Variants in BICRA observed in about 807,000 individuals in gnomAD.
BICRA encodes the protein BRD4-interacting chromatin-remodeling complex-associated protein.
In BICRA, 31 loss-of-function variants were observed where a neutral mutation model predicts 96.9. That is an observed-to-expected ratio of 0.32 (90% CI 0.24 to 0.43). BICRA has a LOEUF of 0.43. BICRA is among the 20% of genes least tolerant of loss of function. The probability of loss-of-function intolerance (pLI) is 1.00; values close to 1 mark genes in which losing one functional copy is unlikely to be tolerated. For synonymous variants in BICRA, 1,350 were observed against 1,071.8 expected (o/e 1.26, Z -5.07); for missense variants, 2,283 against 2,190.3 (o/e 1.04, Z -0.84).
chr19:47,695,010 T>C lies in BICRA; in HGVS notation c.3006T>C (p.Ser1002=). ...LTSPAASVLV[S]GQAPSGTPTA... is the part of the protein sequence containing the mutation. The stretch of plus-strand genomic sequence containing the variant: ...GCCCCGCTGCGTCTGTGCTGGTCAG[T>C]GGGCAGGCCCCATCTGGGACCCCCA... Residue 1002 remains serine, a synonymous_variant, in exon 9 of 15, where the codon AGT becomes AGC. Coordinates refer to ENST00000594866, the MANE Select transcript of BICRA (RefSeq NM_001394372.1). 1 of 1,526,654 alleles carries C rather than the reference T, an allele frequency of 6.6e-7. No homozygotes were observed. Among genetic ancestry groups the C allele is most frequent in the Non-Finnish European group, 8.7e-7 (1 of 1,147,780 alleles). The allele number at this position is 1,526,654 out of a possible 1,614,324, so 94.6% of individuals were successfully genotyped here. A position where few individuals can be genotyped will look rare whatever the true frequency, so the allele number is the denominator to read the frequency against.
chr19:47,668,249 A>G (rs1229597015), intron 1 of BICRA, among the ~76,000 whole-genome samples: 1 of 152,108 alleles, frequency 6.6e-6, no homozygotes, highest in East Asian at 1.9e-4. Context: ...TCATTGTCAT[A>G]GTCGGTCCTT....
rs536480357 is a variant in BICRA, at chr19:47,650,215, C to T, written c.-107-20228C>T. 1.7e-4 allele frequency among the ~76,000 whole-genome samples: 26 copies of T among 152,174 alleles called. No individual in the cohort carries two copies. The East Asian group carries it at 5.0e-3, about 29-fold the overall frequency. On this transcript the variant is annotated intron_variant, in intron 1 of 14. Transcript: ENST00000594866. ...GGTGCAATCTCGGCTCACTGCAACC[C>T]TCCACCACCCAGGGTCAAGTGATTT...
intron 1 of BICRA, among the ~76,000 whole-genome samples, chr19:47,621,407 G>T (rs976871036): frequency 6.6e-5 from 10 of 150,690 alleles, no homozygotes; most frequent in South Asian, 2.1e-4. Flanking sequence ...CCAGTGCTTT[G>T]TACCTTCTCA....
chr19:47,700,122 G>A (rs1488467521), intron 14 of BICRA: 1 of 152,420 alleles, frequency 6.6e-6, no homozygotes, highest in African/African-American at 2.4e-5. Flanking sequence ...CTCGATGCTG[G>A]AGTCTTGGTT....
At position 47,680,712 on chromosome 19, in the gene BICRA, C is replaced by G. The variant is rs1415831083; in HGVS notation, c.1542C>G (p.Ile514Met). The part of the protein sequence containing the change: ...HTGGQLIANP[I>M]LTNQNLAGPL... ...GTGGACAGCTCATCGCGAACCCCAT[C>G]CTCACAAACCAGAACCTGGCGGGCC... The change falls in exon 6 of 15, where the codon ATC becomes ATG. Residue 514 changes from isoleucine to methionine, a missense_variant. Coordinates refer to ENST00000594866, the MANE Select transcript of BICRA (RefSeq NM_001394372.1). 6.2e-7 allele frequency: 1 copy of G among 1,601,934 alleles called. No individual in the cohort carries two copies. The highest frequency in any genetic ancestry group is 2.2e-5 in the East Asian group (1 of 44,698).
intron 5 of BICRA, among the ~76,000 whole-genome samples, chr19:47,677,346 C>T (rs935883020): frequency 1.3e-5 from 2 of 152,158 alleles, no homozygotes; most frequent in African/African-American, 2.4e-5. Flanking sequence ...CATATGCCTG[C>T]AGATATTTTT....
In BICRA at chr19:47,701,593, C is replaced by T. The variant is rs1299326355; in HGVS notation, c.3861C>T (p.Gly1287=). 7 of 1,557,992 alleles carry T rather than the reference C, an allele frequency of 4.5e-6. No individual in the cohort carries two copies. Among genetic ancestry groups the T allele is most frequent in the Non-Finnish European group, 6.1e-6 (7 of 1,151,786 alleles). The change falls in exon 15 of 15, where the codon GGC becomes GGT. Residue 1287 remains glycine (G), a synonymous_variant. Transcript: ENST00000594866. This position sits in a 1 kb window ranked among gnomAD's most constrained non-coding sequence, Gnocchi z 5.4. Reference sequence around the variant, plus strand: ...CCTCCTTGGACGCCGACGAGGACGGCCCCATGCCCTCCCGCAACCGCCCGC... The same window carrying T: ...CCTCCTTGGACGCCGACGAGGACGGTCCCATGCCCTCCCGCAACCGCCCGC... The part of the protein sequence containing the change: ...AASSLDADED[G]PMPSRNRPPI...
At chr19:47,669,551 A>G (rs190033635) in intron 1 of BICRA, among the ~76,000 whole-genome samples, 1 of 152,258 alleles carries the variant, frequency 6.6e-6, no homozygotes, top group African/African-American at 2.4e-5. Flanking sequence ...ATATAACACT[A>G]TATGTTATAT....
Position 47,701,139 on chromosome 19 carries a change from G to A in BICRA, c.3596-189G>A, listed in dbSNP as rs1309956525. 1.7e-6 allele frequency: 1 copy of A among 598,928 alleles called. No individual in the cohort carries two copies. Among genetic ancestry groups the A allele is most frequent in the Non-Finnish European group, 3.0e-6 (1 of 338,562 alleles). The allele number at this position is 598,928 out of a possible 1,614,324, so 37.1% of individuals were successfully genotyped here. A position where few individuals can be genotyped will look rare whatever the true frequency, so the allele number is the denominator to read the frequency against. ...CTCGTGGCGCTGTGCCAGGCACAGT[G>A]GTTTTAGAGTTGGGGGAATTTGGGC... is the stretch of plus-strand genomic sequence containing the variant. On this transcript the variant is annotated intron_variant, in intron 14 of 14. Coordinates refer to ENST00000594866, the MANE Select transcript of BICRA (RefSeq NM_001394372.1). The surrounding 1 kb of genome is among the most constrained non-coding windows in gnomAD (Gnocchi z 5.4).
chr19:47,688,962 G>T (rs1973199944), intron 7 of BICRA, among the ~76,000 whole-genome samples: 1 of 151,912 alleles, frequency 6.6e-6, no homozygotes, highest in Admixed American at 6.6e-5. Context: ...AAGTAACTTG[G>T]ATTTACAGGC....
At chr19:47,634,823 C>T (rs1483036026) in intron 1 of BICRA, among the ~76,000 whole-genome samples, 1 of 138,942 alleles carries the variant, frequency 7.2e-6, no homozygotes, top group African/African-American at 2.8e-5. Flanking sequence ...AGTGCAGTGG[C>T]GCGATCTCGG....
At chr19:47,673,062 T>C (rs1972889968) in intron 2 of BICRA, among the ~76,000 whole-genome samples, 1 of 152,046 alleles carries the variant, frequency 6.6e-6, no homozygotes, top group South Asian at 2.1e-4. Flanking sequence ...TTCACCCGTT[T>C]ATATGTAGGA....
chr19:47,696,546 T>C, intron 11 of BICRA, 34 bp downstream of exon 11: 1 of 1,568,740 alleles, frequency 6.4e-7, no homozygotes, highest in African/African-American at 1.4e-5. Flanking sequence ...ATGCCTGCCC[T>C]GTACCTTCCA....
intron 1 of BICRA, among the ~76,000 whole-genome samples, chr19:47,640,829 C>A (rs1972373652): frequency 6.6e-6 from 1 of 151,848 alleles, no homozygotes; most frequent in South Asian, 2.1e-4. Flanking sequence ...AAAACACTTA[C>A]CCAGTGGCAC....
chr19:47,683,283 G>A (rs1451454363), intron 7 of BICRA, among the ~76,000 whole-genome samples: 3 of 151,260 alleles, frequency 2.0e-5, no homozygotes, highest in East Asian at 3.9e-4. Flanking sequence ...CCCGCCCCCC[G>A]CAACCTCACC....
At chr19:47,650,823 G>A (rs1473360096) in intron 1 of BICRA, among the ~76,000 whole-genome samples, 1 of 152,158 alleles carries the variant, frequency 6.6e-6, no homozygotes, top group Non-Finnish European at 1.5e-5. Context: ...GTGGATGAGA[G>A]GAAGGAGCAT....
In BICRA at chr19:47,622,091, C is replaced by T. The variant is rs567848889; in HGVS notation, c.-108+12923C>T. ...AAGCAGTTCTCCTGCCTCAGCCTCCCGAGTAGCTGGGACTACAGGCCTGCA... is the reference window on the plus strand; with the variant it reads ...AAGCAGTTCTCCTGCCTCAGCCTCCTGAGTAGCTGGGACTACAGGCCTGCA... On this transcript the variant is annotated intron_variant, in intron 1 of 14. Coordinates refer to ENST00000594866, the MANE Select transcript of BICRA (RefSeq NM_001394372.1). 1.8e-4 allele frequency among the ~76,000 whole-genome samples: 27 copies of T among 152,058 alleles called. No individual in the cohort carries two copies. In the Middle Eastern group the frequency reaches 0.01, roughly 58 times the overall value.
At chr19:47,673,681 C>G (rs1297094791) in intron 3 of BICRA, 39 bp from the exon 4 acceptor site, 1 of 1,595,290 alleles carries the variant, frequency 6.3e-7, no homozygotes, top group East Asian at 2.2e-5. Flanking sequence ...CCCTCCCCAG[C>G]TCCTTACCTC....
intron 7 of BICRA, among the ~76,000 whole-genome samples, chr19:47,685,786 T>TGTGTGCGCGCGCGTGCGC: frequency 8.5e-6 from 1 of 117,930 alleles, no homozygotes; most frequent in East Asian, 3.5e-4. Flanking sequence ...TGTGTGTGTG[T>TGTGTGCGCGCGCGTGCGC]GCGCGCGCGC....
Sources: allele counts gnomAD v4.1 joint callset (sites outside exome capture counted in the v4.1 genomes callset), GRCh38; gene constraint gnomAD v4.1.1; non-coding constraint Gnocchi (gnomAD v3.1); transcripts MANE v1.5; gene names NCBI Gene and HGNC (gene_info 2026-07-23, HGNC 2026-07-21).